C2CD3: variants seen among roughly 807,000 people sequenced by gnomAD.
C2CD3 encodes the protein C2 domain-containing protein 3.
Under a neutral mutation model 234.0 loss-of-function variants are expected in C2CD3, and 148 were observed. That is an observed-to-expected ratio of 0.63 (90% CI 0.55 to 0.72). The LOEUF is 0.72. Among genes scored for constraint, C2CD3 ranks in the 30% least tolerant of loss-of-function variants. The pLI, the probability that C2CD3 is intolerant of heterozygous loss-of-function variation, is 0.00. For synonymous variants in C2CD3, 1,000 were observed against 1,035.4 expected (o/e 0.97, Z 0.66); for missense variants, 2,577 against 2,811.5 (o/e 0.92, Z 1.89).
At position 74,123,063 on chromosome 11, in the gene C2CD3, A is replaced by C; in HGVS notation, c.1290T>G (p.Asp430Glu). 6.2e-7 allele frequency: 1 copy of C among 1,612,964 alleles called. No homozygotes were observed. The highest frequency in any genetic ancestry group is 8.5e-7 in the Non-Finnish European group (1 of 1,178,916). Residue 430 changes from aspartate (D) to glutamate (E), a missense_variant, in exon 8 of 33, where the codon GAT (aspartate) becomes GAG (glutamate). Asp to Glu is a conservative substitution (Grantham distance 45). Coordinates refer to ENST00000334126, the MANE Select transcript of C2CD3 (RefSeq NM_001286577.2). ...CATTCAGCTCACTGATGCAATACAC[A>C]TCACTCCCAGGAGATGGGGAATCTG... ...SPPDSPSPGS[D>E]VYCISELNDP...
At chr11:74,065,254 G>C (rs910756853) in intron 24 of C2CD3, among the ~76,000 whole-genome samples, 1 of 152,036 alleles carries the variant, frequency 6.6e-6, no homozygotes, top group Non-Finnish European at 1.5e-5. Flanking sequence ...GTGGGCAAAG[G>C]ATATGAACAG....
chr11:74,144,860 C>T (rs1382641534), intron 3 of C2CD3, among the ~76,000 whole-genome samples: 2 of 152,110 alleles, frequency 1.3e-5, no homozygotes, highest in African/African-American at 4.8e-5. Context: ...TTGATGGGCA[C>T]TCAGCTTGAT....
chr11:74,147,863 C>T (rs1032893990), intron 3 of C2CD3, among the ~76,000 whole-genome samples: 8 of 152,108 alleles, frequency 5.3e-5, no homozygotes, highest in African/African-American at 1.7e-4. Context: ...AATTGTAGAG[C>T]TAAAGACTGA....
intron 22 of C2CD3, among the ~76,000 whole-genome samples, chr11:74,079,770 A>C (rs923175753): frequency 6.6e-6 from 1 of 152,048 alleles, no homozygotes; most frequent in African/African-American, 2.4e-5. Context: ...CATTCCACCT[A>C]GTATAGGTTC....
At position 74,132,926 on chromosome 11, in the gene C2CD3, G is replaced by C; in HGVS notation, c.1135C>G (p.His379Asp). 1 of 1,612,662 alleles carries C rather than the reference G, an allele frequency of 6.2e-7. No individual in the cohort carries two copies. The change falls in exon 7 of 33, where the codon CAC (histidine) becomes GAC (aspartate). Residue 379 changes from histidine (H) to aspartate (D), a missense_variant. Physicochemically the swap from His to Asp is moderately conservative, Grantham distance 81. Transcript: ENST00000334126. ...GTATTCTCAGTTGAAGGGAGGAGGTGATCTTCAATGTGGTCTTTAAACCGA... is the reference window on the plus strand; with the variant it reads ...GTATTCTCAGTTGAAGGGAGGAGGTCATCTTCAATGTGGTCTTTAAACCGA... Reference protein sequence around the residue: ...RNRFKDHIEDHLLPSTENTFW... With the variant: ...RNRFKDHIEDDLLPSTENTFW...
intron 16 of C2CD3, among the ~76,000 whole-genome samples, chr11:74,097,215 A>G (rs1442889990): frequency 1.3e-5 from 2 of 152,180 alleles, no homozygotes; most frequent in Non-Finnish European, 2.9e-5. Context: ...CAAATAAACC[A>G]TAACTTGCTA....
At chr11:74,123,421 G>A (rs1313806868) in intron 7 of C2CD3, among the ~76,000 whole-genome samples, 1 of 152,160 alleles carries the variant, frequency 6.6e-6, no homozygotes, top group East Asian at 1.9e-4. Flanking sequence ...GGTCCTGGAA[G>A]ATATAGAGGT....
intron 24 of C2CD3, 122 bp downstream of exon 24, chr11:74,074,131 G>T: frequency 1.3e-6 from 1 of 762,972 alleles, no homozygotes; most frequent in Non-Finnish European, 2.1e-6. Flanking sequence ...CTTTAGGCTT[G>T]AGAAATAAAT....
chr11:74,025,033 A>C (rs1021338405), intron 32 of C2CD3, among the ~76,000 whole-genome samples: 1 of 152,166 alleles, frequency 6.6e-6, no homozygotes, highest in Non-Finnish European at 1.5e-5. Context: ...AAAAGGCTGA[A>C]AAGTATTATC....
chr11:74,116,888 G>A (rs1176238715), intron 9 of C2CD3, among the ~76,000 whole-genome samples: 15 of 112,548 alleles, frequency 1.3e-4, no homozygotes, highest in Admixed American at 8.0e-4. Flanking sequence ...ATATACACAC[G>A]TGTATATATA....
chr11:74,048,347 A>T lies in C2CD3; in HGVS notation c.5362-9T>A. ...GGACTGTATATTGGGATCTGTAAACACAACAAGAAAAATGGTACACTTGTC... is the reference window on the plus strand; with the variant it reads ...GGACTGTATATTGGGATCTGTAAACTCAACAAGAAAAATGGTACACTTGTC... On this transcript the variant is annotated splice_polypyrimidine_tract_variant and intron_variant, in intron 27 of 32. Transcript: ENST00000334126. 4 of 1,613,098 alleles carry T rather than the reference A, an allele frequency of 2.5e-6. No individual in the cohort carries two copies. The highest frequency in any genetic ancestry group is 3.4e-6 in the Non-Finnish European group (4 of 1,179,306).
chr11:74,109,098 A>C lies in C2CD3; in HGVS notation c.1898T>G (p.Ile633Arg). 2 of 1,603,806 alleles carry C rather than the reference A, an allele frequency of 1.2e-6. No individual in the cohort carries two copies. The highest frequency in any genetic ancestry group is 8.5e-7 in the Non-Finnish European group (1 of 1,176,272). Residue 633 changes from isoleucine (I) to arginine (R), a missense_variant, in exon 12 of 33, where the codon ATA becomes AGA. Physicochemically the swap from Ile to Arg is moderately conservative, Grantham distance 97. Coordinates refer to ENST00000334126, the MANE Select transcript of C2CD3 (RefSeq NM_001286577.2). ...GAGGTTGGAATTCCACCAGTGCTCT[A>C]TCATTGGGCCACCAAACTGTACTGG... ...VFPVQFGGPM[I>R]EHWWNSNLTF...
intron 17 of C2CD3, among the ~76,000 whole-genome samples, chr11:74,094,556 AGT>A (rs2135486273): frequency 6.6e-6 from 1 of 152,220 alleles, no homozygotes; most frequent in South Asian, 2.1e-4. Context: ...AAGGTGAGCG[AGT>A]TTGACTTCTT....
At chr11:74,156,743 G>C (rs947527514) in intron 3 of C2CD3, among the ~76,000 whole-genome samples, 6 of 152,198 alleles carry the variant, frequency 3.9e-5, no homozygotes, top group African/African-American at 1.4e-4. Context: ...GCCAAGGCAG[G>C]CAGATCACTT....
chr11:74,045,275 T>C (rs1334339444), intron 28 of C2CD3, among the ~76,000 whole-genome samples: 1 of 152,204 alleles, frequency 6.6e-6, no homozygotes, highest in Non-Finnish European at 1.5e-5. Flanking sequence ...CACTGATTTA[T>C]ATTTCTATCC....
intron 5 of C2CD3, among the ~76,000 whole-genome samples, chr11:74,136,247 T>G (rs1957858462): frequency 6.6e-6 from 1 of 152,220 alleles, no homozygotes; most frequent in Non-Finnish European, 1.5e-5. Context: ...CTCCCATTTG[T>G]GCACAAGTCA....
chr11:74,139,659 A>G lies in C2CD3; in HGVS notation c.653T>C (p.Ile218Thr). The G allele has an allele frequency of 2.5e-6, 4 of 1,613,884 alleles. No homozygotes were observed. Among genetic ancestry groups the G allele is most frequent in the Non-Finnish European group, 3.4e-6 (4 of 1,179,892 alleles). ...VPSRPRDIHT[I>T]KIDGKELAAN... The stretch of plus-strand genomic sequence containing the variant: ...TGCTAACTCTTTTCCATCAATTTTG[A>G]TGGTATGTATGTCGCGAGGCCTTGA... The change falls in exon 4 of 33, where the codon ATC (isoleucine) becomes ACC (threonine). Residue 218 changes from isoleucine to threonine, a missense_variant. Coordinates refer to ENST00000334126, the MANE Select transcript of C2CD3 (RefSeq NM_001286577.2).
At position 74,122,987 on chromosome 11, in the gene C2CD3, C is replaced by T. The variant is rs1174615027; in HGVS notation, c.1365+1G>A. On this transcript the variant is annotated splice_donor_variant, in intron 8 of 32. Coordinates refer to ENST00000334126, the MANE Select transcript of C2CD3 (RefSeq NM_001286577.2). LOFTEE classifies it high-confidence loss of function. ...TCAATGCTTCAGGTTCAGTGACTTA[C>T]AGGTGCTGTATAAAATAAATTCTCC... is the stretch of plus-strand genomic sequence containing the variant. The T allele has an allele frequency of 6.2e-7, 1 of 1,612,044 alleles. No individual in the cohort carries two copies. Among genetic ancestry groups the T allele is most frequent in the Non-Finnish European group, 8.5e-7 (1 of 1,178,594 alleles).
rs1216252728 is a variant in C2CD3 at position 74,099,872 on chromosome 11, G to A, written c.2732+653C>T. ...GATCGTGCCACTGCACTCCAGCCTG[G>A]GCAACAGAGTGAGACTCCGTCTCAA... On this transcript the variant is annotated intron_variant, in intron 15 of 32. Transcript: ENST00000334126. Among the ~76,000 whole-genome samples, 5 of 150,936 alleles carry A rather than the reference G, an allele frequency of 3.3e-5. No individual in the cohort carries two copies. In the East Asian group the frequency reaches 5.8e-4, roughly 18 times the overall value.
Sources: gnomAD v4.1 joint callset for allele counts (sites outside exome capture counted in the v4.1 genomes callset) on GRCh38, gnomAD v4.1.1 for gene constraint, MANE v1.5 for transcripts, NCBI Gene and HGNC (gene_info 2026-07-23, HGNC 2026-07-21) for gene names.